Variants in JAKMIP1 observed in about 807,000 individuals in gnomAD.
JAKMIP1 encodes janus kinase and microtubule interacting protein 1.
Under a neutral mutation model 113.0 loss-of-function variants are expected in JAKMIP1, and 33 were observed. The observed-to-expected ratio is 0.29, with a 90% CI of 0.22 to 0.39. The LOEUF is 0.39. JAKMIP1 is among the 10% of genes least tolerant of loss of function. The pLI, the probability that JAKMIP1 is intolerant of heterozygous loss-of-function variation, is 1.00. For synonymous variants in JAKMIP1, 480 were observed against 459.9 expected, an observed-to-expected ratio of 1.04 and a Z score of -0.56; for missense variants, 813 against 1,080.5, an observed-to-expected ratio of 0.75 and a Z score of 3.47.
intron 19 of JAKMIP1, 44 bp from the exon 20 acceptor site, chr4:6,029,825 G>A (rs1439760053): frequency 2.2e-6 from 3 of 1,363,696 alleles, no homozygotes; most frequent in Non-Finnish European, 2.1e-6. Context: ...AAGTTTTCCA[G>A]GTTTAAAAAC....
chr4:6,198,902 G>A (rs985376040), intron 1 of JAKMIP1, among the ~76,000 whole-genome samples: 5 of 152,250 alleles, frequency 3.3e-5, no homozygotes, highest in South Asian at 2.1e-4. Flanking sequence ...TGACTTAGGG[G>A]GGATGGCCCT....
Position 6,192,470 on chromosome 4 carries a change from C to A in JAKMIP1, c.-148+7783G>T, listed in dbSNP as rs1486687831. 6.6e-6 allele frequency among the ~76,000 whole-genome samples: 1 copy of A among 152,182 alleles called. No individual in the cohort carries two copies. On this transcript the variant is annotated intron_variant, in intron 1 of 20. Coordinates refer to ENST00000409021, the MANE Select transcript of JAKMIP1 (RefSeq NM_001099433.2). This position sits in a 1 kb window ranked among gnomAD's most constrained non-coding sequence, Gnocchi z 5.0. ...CACCGGCTGACAAACACCCACTGCA[C>A]GCAGACGCCACTGAGCCTGTTTTGG...
intron 19 of JAKMIP1, among the ~76,000 whole-genome samples, chr4:6,034,700 G>A (rs1395359308): frequency 6.6e-6 from 1 of 152,150 alleles, no homozygotes; most frequent in Non-Finnish European, 1.5e-5. Context: ...TACTCAGGTG[G>A]CTGAGGCAAG....
chr4:6,039,177 C>A (rs955828457), intron 18 of JAKMIP1, among the ~76,000 whole-genome samples: 1 of 152,188 alleles, frequency 6.6e-6, no homozygotes, highest in African/African-American at 2.4e-5. Context: ...TCTGCAGATT[C>A]AGCATTCTTA....
In JAKMIP1 at chr4:6,088,101, T is replaced by G. The variant is rs904829711; in HGVS notation, c.625-2472A>C. Among the ~76,000 whole-genome samples the G allele has an allele frequency of 1.3e-5, 2 of 152,208 alleles. No homozygotes were observed. Among genetic ancestry groups the G allele is most frequent in the African/African-American group, 4.8e-5 (2 of 41,454 alleles). ...TTCACTCAAGCACGCTTTCATTAAC[T>G]CAACACATGCTGAGCTGAGCGCTAT... On this transcript the variant is annotated intron_variant, in intron 3 of 20. Transcript: ENST00000409021. The surrounding 1 kb of genome is among the most constrained non-coding windows in gnomAD (Gnocchi z 5.5).
intron 1 of JAKMIP1, among the ~76,000 whole-genome samples, chr4:6,174,647 G>A (rs1401388008): frequency 6.6e-6 from 1 of 152,090 alleles, no homozygotes; most frequent in East Asian, 1.9e-4. Flanking sequence ...CATCTCTAGA[G>A]CCTTAAGTCT....
Position 6,031,582 on chromosome 4 carries a change from G to A in JAKMIP1, c.2380-1801C>T, listed in dbSNP as rs149554646. Reference sequence around the variant, plus strand: ...GCCAAGAGGCCTTTGGTGGGGGGTCGGGGACAGAGCTCAGAGGGTCTGGAA... The same window carrying A: ...GCCAAGAGGCCTTTGGTGGGGGGTCAGGGACAGAGCTCAGAGGGTCTGGAA... On this transcript the variant is annotated intron_variant, in intron 19 of 20. Coordinates refer to ENST00000409021, the MANE Select transcript of JAKMIP1 (RefSeq NM_001099433.2). This position sits in a 1 kb window ranked among gnomAD's most constrained non-coding sequence, Gnocchi z 4.4. 1.2e-4 allele frequency among the ~76,000 whole-genome samples: 18 copies of A among 152,274 alleles called. No homozygotes were observed. Among genetic ancestry groups the A allele is most frequent in the African/African-American group, 3.8e-4 (16 of 41,570 alleles).
chr4:6,094,904 A>G lies in JAKMIP1; in HGVS notation c.625-9275T>C, dbSNP rs1257092163. On this transcript the variant is annotated intron_variant, in intron 3 of 20. Transcript: ENST00000409021. This position sits in a 1 kb window ranked among gnomAD's most constrained non-coding sequence, Gnocchi z 4.2. ...GAGGCTGAGGTGGGAGGATTGCTTG[A>G]GCCTGGAAGGTAGAGGCTGCAGTGA... Among the ~76,000 whole-genome samples the G allele has an allele frequency of 6.6e-6, 1 of 152,038 alleles. No homozygotes were observed. The highest frequency in any genetic ancestry group is 1.5e-5 in the Non-Finnish European group (1 of 68,014).
At chr4:6,066,775 C>A (rs559373742) in intron 8 of JAKMIP1, among the ~76,000 whole-genome samples, 3 of 152,072 alleles carry the variant, frequency 2.0e-5, no homozygotes, top group South Asian at 2.1e-4. Context: ...CCACCAATAT[C>A]TCTCTCTCTG....
At chr4:6,046,443 C>T (rs756388293) in intron 16 of JAKMIP1, among the ~76,000 whole-genome samples, 6 of 152,232 alleles carry the variant, frequency 3.9e-5, no homozygotes, top group Admixed American at 6.5e-5. Context: ...GGCTCAGAAT[C>T]GGGGCCCCAT....
chr4:6,071,401 C>T (rs73073463), intron 8 of JAKMIP1, among the ~76,000 whole-genome samples: 3,180 of 152,262 alleles, frequency 0.021, 95 homozygotes, highest in African/African-American at 0.071. Flanking sequence ...GCCTCAAGCC[C>T]CTCCCCACGG....
chr4:6,039,248 T>C (rs73071591), intron 18 of JAKMIP1, among the ~76,000 whole-genome samples: 18,073 of 152,190 alleles, frequency 0.12, 2,463 homozygotes, highest in African/African-American at 0.33. Context: ...CCCCAAGGTG[T>C]TCCGAAGTGT....
Position 6,065,103 on chromosome 4 carries a change from G to A in JAKMIP1, c.1303-95C>T. 1 of 1,494,088 alleles carries A rather than the reference G, an allele frequency of 6.7e-7. No homozygotes were observed. Among genetic ancestry groups the A allele is most frequent in the Non-Finnish European group, 9.2e-7 (1 of 1,083,732 alleles). 92.6% of individuals were successfully genotyped at this position (1,494,088 alleles called of 1,614,324 possible). A position where few individuals can be genotyped will look rare whatever the true frequency, so the allele number is the denominator to read the frequency against. On this transcript the variant is annotated intron_variant, in intron 8 of 20. Coordinates refer to ENST00000409021, the MANE Select transcript of JAKMIP1 (RefSeq NM_001099433.2). This position sits in a 1 kb window ranked among gnomAD's most constrained non-coding sequence, Gnocchi z 5.1. ...GGGCATGCCAGTGCAGGGGGGTGAT[G>A]ATTGACATTTGGGCCACTGGGGCAT...
chr4:6,126,389 C>G (rs1717627305), intron 1 of JAKMIP1, among the ~76,000 whole-genome samples: 1 of 148,990 alleles, frequency 6.7e-6, no homozygotes, highest in Non-Finnish European at 1.5e-5. Flanking sequence ...ACACATCATA[C>G]AGAAACACAC....
At chr4:6,120,881 C>A (rs559457439) in intron 1 of JAKMIP1, among the ~76,000 whole-genome samples, 1 of 80,778 alleles carries the variant, frequency 1.2e-5, no homozygotes, top group South Asian at 6.7e-4. Flanking sequence ...TTTCTTGGCA[C>A]ACTTCCTGGC....
chr4:6,040,781 C>A lies in JAKMIP1; in HGVS notation c.2098-65G>T. Reference sequence around the variant, plus strand: ...ACAGGAATCCATGACAGCTTCAGAGCCCGTTTGCTAGAGAGTGGCAGTCTC... The same window carrying A: ...ACAGGAATCCATGACAGCTTCAGAGACCGTTTGCTAGAGAGTGGCAGTCTC... On this transcript the variant is annotated intron_variant, in intron 17 of 20. Coordinates refer to ENST00000409021, the MANE Select transcript of JAKMIP1 (RefSeq NM_001099433.2). This position sits in a 1 kb window ranked among gnomAD's most constrained non-coding sequence, Gnocchi z 5.8. 1.5e-6 allele frequency: 2 copies of A among 1,314,750 alleles called. No individual in the cohort carries two copies. Among genetic ancestry groups the A allele is most frequent in the Non-Finnish European group, 2.2e-6 (2 of 919,062 alleles). 81.4% of individuals were successfully genotyped at this position (1,314,750 alleles called of 1,614,324 possible). A position where few individuals can be genotyped will look rare whatever the true frequency, so the allele number is the denominator to read the frequency against.
At chr4:6,046,168 C>T (rs1216669238) in intron 16 of JAKMIP1, among the ~76,000 whole-genome samples, 1 of 152,182 alleles carries the variant, frequency 6.6e-6, no homozygotes, top group East Asian at 1.9e-4. Flanking sequence ...GCAAAGCAGA[C>T]TGTCAGTCCC....
At chr4:6,125,302 T>A (rs1717253644) in intron 1 of JAKMIP1, among the ~76,000 whole-genome samples, 1 of 151,914 alleles carries the variant, frequency 6.6e-6, no homozygotes, top group African/African-American at 2.4e-5. Flanking sequence ...ACCCCTCACC[T>A]AGGACCCTCC....
In JAKMIP1 at chr4:6,184,931, G is replaced by T. The variant is rs564811255; in HGVS notation, c.-148+15322C>A. On this transcript the variant is annotated intron_variant, in intron 1 of 20. Coordinates refer to ENST00000409021, the MANE Select transcript of JAKMIP1 (RefSeq NM_001099433.2). The surrounding 1 kb of genome is among the most constrained non-coding windows in gnomAD (Gnocchi z 4.5). Reference sequence around the variant, plus strand: ...GCTAGAATAAAGAAGGCAGAATTTGGAAAGAGCAGACTTGCTGAGTCTTCC... The same window carrying T: ...GCTAGAATAAAGAAGGCAGAATTTGTAAAGAGCAGACTTGCTGAGTCTTCC... 6.6e-6 allele frequency among the ~76,000 whole-genome samples: 1 copy of T among 152,294 alleles called. No individual in the cohort carries two copies. Among genetic ancestry groups the T allele is most frequent in the African/African-American group, 2.4e-5 (1 of 41,566 alleles).
Sources: gnomAD v4.1 joint callset for allele counts (sites outside exome capture counted in the v4.1 genomes callset) on GRCh38, gnomAD v4.1.1 for gene constraint, Gnocchi (gnomAD v3.1) non-coding constraint, MANE v1.5 for transcripts, NCBI Gene and HGNC (gene_info 2026-07-23, HGNC 2026-07-21) for gene names.